The following CYRIB variants were observed in gnomAD, a reference collection of about 807,000 sequenced individuals.
CYRIB encodes CYFIP related Rac1 interactor B.
Under a neutral mutation model 44.2 loss-of-function variants are expected in CYRIB, and 8 were observed. The observed-to-expected ratio is 0.18, with a 90% CI of 0.11 to 0.33. The LOEUF is 0.33. Among genes scored for constraint, CYRIB ranks in the 10% least tolerant of loss-of-function variants. The pLI, the probability that CYRIB is intolerant of heterozygous loss-of-function variation, is 1.00. For synonymous variants in CYRIB, 131 were observed against 127.2 expected, an observed-to-expected ratio of 1.03 and a Z score of -0.20; for missense variants, 185 against 382.8, an observed-to-expected ratio of 0.48 and a Z score of 4.31.
chr8:129,931,986 A>G (rs2091579168), intron 1 of CYRIB, among the ~76,000 whole-genome samples: 2 of 150,548 alleles, frequency 1.3e-5, no homozygotes, highest in South Asian at 2.1e-4. Flanking sequence ...ATAATTCTTC[A>G]TAAGTATCTT....
intron 10 of CYRIB, among the ~76,000 whole-genome samples, chr8:129,848,725 C>T (rs1302267609): frequency 6.6e-6 from 1 of 151,400 alleles, no homozygotes; most frequent in Admixed American, 6.6e-5. Context: ...TGTGCCACCA[C>T]ACCTGGCTAA....
At chr8:129,940,651 C>T (rs1228682915), upstream of CYRIB, among the ~76,000 whole-genome samples, 1 of 152,146 alleles carries the variant, frequency 6.6e-6, no homozygotes, top group East Asian at 1.9e-4. Context: ...GCTAGCTTCT[C>T]CTAATCCTGT....
intron 5 of CYRIB, among the ~76,000 whole-genome samples, chr8:129,860,869 A>AC (rs1179805231): frequency 6.6e-6 from 1 of 151,896 alleles, no homozygotes; most frequent in Non-Finnish European, 1.5e-5. Flanking sequence ...CTTAAAGAAA[A>AC]AAAAAAAAAA....
chr8:129,924,272 C>T (rs1330252582), intron 1 of CYRIB, among the ~76,000 whole-genome samples: 2 of 52,652 alleles, frequency 3.8e-5, no homozygotes, highest in African/African-American at 1.2e-4. Flanking sequence ...AGACCTGCCT[C>T]CAAAAAAAAA....
At chr8:129,912,323 A>G (rs1345975555) in intron 1 of CYRIB, 1 of 152,212 alleles carries the variant, frequency 6.6e-6, no homozygotes, top group East Asian at 1.9e-4. Flanking sequence ...TGCAAACTGC[A>G]CTAGCACTGA....
chr8:129,889,830 C>T (rs1247899417), intron 2 of CYRIB, among the ~76,000 whole-genome samples: 2 of 150,876 alleles, frequency 1.3e-5, no homozygotes, highest in African/African-American at 4.9e-5. Flanking sequence ...ACAGAGTTTC[C>T]ACCTTGTCAT....
At chr8:129,958,200 G>T (rs757651007) in intron 2 of CYRIB, among the ~76,000 whole-genome samples, 2 of 152,106 alleles carry the variant, frequency 1.3e-5, no homozygotes, top group Non-Finnish European at 2.9e-5. Flanking sequence ...AATTGTATCT[G>T]CTGGGGTGGA....
intron 3 of CYRIB, among the ~76,000 whole-genome samples, chr8:129,879,039 T>C (rs1453259134): frequency 6.6e-6 from 1 of 152,256 alleles, no homozygotes; most frequent in African/African-American, 2.4e-5. Flanking sequence ...ATAATATAAG[T>C]TTTCCCCAAA....
chr8:129,873,708 A>G (rs1382894456), intron 3 of CYRIB, among the ~76,000 whole-genome samples: 1 of 152,066 alleles, frequency 6.6e-6, no homozygotes, highest in Non-Finnish European at 1.5e-5. Context: ...AGCTGTTAAC[A>G]TAAAAATGTG....
chr8:129,852,894 G>T (rs542011023), intron 7 of CYRIB, among the ~76,000 whole-genome samples: 3 of 152,164 alleles, frequency 2.0e-5, no homozygotes, highest in Admixed American at 2.0e-4. Flanking sequence ...CTTCCATGTG[G>T]AATGGGGAGC....
chr8:129,880,637 T>A (rs565145065), intron 2 of CYRIB, among the ~76,000 whole-genome samples: 108 of 152,296 alleles, frequency 7.1e-4, no homozygotes, highest in Middle Eastern at 3.4e-3. Context: ...CTCCTGTCCC[T>A]CTTTTCCACA....
At chr8:129,967,378 T>A (rs908002887) in intron 2 of CYRIB, among the ~76,000 whole-genome samples, 2 of 151,780 alleles carry the variant, frequency 1.3e-5, no homozygotes, top group East Asian at 3.9e-4. Context: ...TTTGTTTTTT[T>A]GTTTTTTTGT....
chr8:129,898,419 G>A (rs73710959), intron 2 of CYRIB, among the ~76,000 whole-genome samples: 2,186 of 152,250 alleles, frequency 0.014, 37 homozygotes, highest in African/African-American at 0.045. Context: ...ATGGTTGGAT[G>A]CAGAAGCTAA....
intron 1 of CYRIB, among the ~76,000 whole-genome samples, chr8:129,937,125 C>A (rs879017929): frequency 3.9e-5 from 6 of 152,232 alleles, no homozygotes; most frequent in Admixed American, 3.9e-4. Context: ...GATTCTTTGA[C>A]CTTGCCATTA....
chr8:129,848,041 G>C (rs1215604298), intron 10 of CYRIB, among the ~76,000 whole-genome samples: 1 of 152,020 alleles, frequency 6.6e-6, no homozygotes, highest in Non-Finnish European at 1.5e-5. Flanking sequence ...CCTAACCTTA[G>C]GTGATCCGCC....
In CYRIB at chr8:129,920,679, A is replaced by C. The variant is rs1272240645; in HGVS notation, c.-49-17329T>G. Among the ~76,000 whole-genome samples the C allele has an allele frequency of 2.6e-5, 4 of 152,148 alleles. No homozygotes were observed. The East Asian group carries it at 7.7e-4, about 29-fold the overall frequency. On this transcript the variant is annotated intron_variant, in intron 1 of 11. Transcript: ENST00000519824. ...TGATTTTAAAATAAATTCTGAAACC[A>C]TTAACTCATAACATCCTGGATGTTT... is the stretch of plus-strand genomic sequence containing the variant.
At chr8:129,928,549 CTTTGGGAGGCTGAAGCAGGAGGATCG>C (rs1205262144) in intron 1 of CYRIB, among the ~76,000 whole-genome samples, 1 of 151,624 alleles carries the variant, frequency 6.6e-6, no homozygotes, top group African/African-American at 2.4e-5. Flanking sequence ...AGTCCCAGCC[CTTTGGGAGGCTGAAGCAGGAGGATCG>C]CTTGAGCCCA....
At chr8:129,981,863 C>T (rs1328253943) in intron 1 of CYRIB, among the ~76,000 whole-genome samples, 1 of 152,188 alleles carries the variant, frequency 6.6e-6, no homozygotes, top group African/African-American at 2.4e-5. Context: ...CAGGTGCCCC[C>T]GCTGGTCCAC....
intron 11 of CYRIB, among the ~76,000 whole-genome samples, chr8:129,843,069 A>T (rs1034758094): frequency 7.9e-5 from 12 of 152,224 alleles, no homozygotes; most frequent in Non-Finnish European, 2.9e-5. Flanking sequence ...CCACTAAGCA[A>T]GCTTACTATG....
Sources: allele counts gnomAD v4.1 joint callset (sites outside exome capture counted in the v4.1 genomes callset), GRCh38; gene constraint gnomAD v4.1.1; transcripts MANE v1.5; gene names NCBI Gene and HGNC (gene_info 2026-07-23, HGNC 2026-07-21).